The following ELFN1 variants were observed in gnomAD, a reference collection of about 807,000 sequenced individuals.
The protein encoded by ELFN1 is protein ELFN1.
A neutral mutation model predicts 7.6 loss-of-function variants in ELFN1; 6 were observed. That is an observed-to-expected ratio of 0.79 (90% confidence interval 0.43 to 1.56). ELFN1 has a LOEUF of 1.56. ELFN1 is among the 40% of genes most tolerant of loss of function. The pLI, the probability that ELFN1 is intolerant of heterozygous loss-of-function variation, is 0.01. For missense variants in ELFN1, 1,169 were observed against 1,232.2 expected, an observed-to-expected ratio of 0.95 and a Z score of 0.77; for synonymous variants, 657 against 588.1, an observed-to-expected ratio of 1.12 and a Z score of -1.70.
At position 1,747,053 on chromosome 7, in the gene ELFN1, G is replaced by A; in HGVS notation, c.2457G>A (p.Trp819Ter). ...ATCTGCACGACATCCTGGACTACTG[G>A]AAGGGCGTGTCGGCCCAGCACAAGT... ...DEDLHDILDY[W>*]KGVSAQHKS Residue 819 changes from tryptophan (W) to a stop codon, truncating the protein, a stop_gained, in exon 4 of 4, where the codon TGG becomes TGA. Coordinates refer to ENST00000424383, the MANE Select transcript of ELFN1 (RefSeq NM_001128636.4). LOFTEE classifies it high-confidence loss of function. The A allele has an allele frequency of 6.5e-7, 1 of 1,529,960 alleles. No individual in the cohort carries two copies. The highest frequency in any genetic ancestry group is 8.8e-7 in the Non-Finnish European group (1 of 1,133,390). The allele number at this position is 1,529,960 out of a possible 1,614,324, so 94.8% of individuals were successfully genotyped here. A position where few individuals can be genotyped will look rare whatever the true frequency, so the allele number is the denominator to read the frequency against.
At position 1,746,791 on chromosome 7, in the gene ELFN1, G is replaced by A. The variant is rs764476363; in HGVS notation, c.2195G>A (p.Arg732His). The A allele has an allele frequency of 5.5e-5, 84 of 1,527,662 alleles. No homozygotes were observed. The highest frequency in any genetic ancestry group is 2.8e-4 in the East Asian group (11 of 39,758). The allele number at this position is 1,527,662 out of a possible 1,614,324, so 94.6% of individuals were successfully genotyped here. ...PPPPPHEGLG[R>H]KASILEPLTR... ...CCGCCTCCGCACGAGGGCCTGGGGC[G>A]CAAGGCGTCCATCCTGGAGCCACTC... Residue 732 changes from arginine (R) to histidine (H), a missense_variant, in exon 4 of 4, where the codon CGC becomes CAC. This residue lies in a region of ELFN1 where 914 missense variants were observed against 872.6 expected (regional missense o/e 1.05). Coordinates refer to ENST00000424383, the MANE Select transcript of ELFN1 (RefSeq NM_001128636.4).
intron 3 of ELFN1, among the ~76,000 whole-genome samples, chr7:1,742,585 G>A (rs112569165): frequency 3.9e-5 from 6 of 152,304 alleles, no homozygotes; most frequent in African/African-American, 9.6e-5. Flanking sequence ...ACCGGACCAC[G>A]TGGGGACCCC....
At chr7:1,666,611 A>G (rs1350902833), upstream of ELFN1, among the ~76,000 whole-genome samples, 2 of 151,580 alleles carry the variant, frequency 1.3e-5, no homozygotes, top group African/African-American at 2.4e-5. This position sits in a 1 kb window ranked among gnomAD's most constrained non-coding sequence, Gnocchi z 7.9. Flanking sequence ...GAGCGCGCTG[A>G]GAGCAAAAAG....
intron 3 of ELFN1, among the ~76,000 whole-genome samples, chr7:1,720,779 G>A (rs1324614065): frequency 6.8e-5 from 9 of 132,390 alleles, no homozygotes; most frequent in Non-Finnish European, 1.1e-4. Context: ...CACAGTGTAA[G>A]CTCTTACTTT....
chr7:1,666,884 T>A (rs1460169342), upstream of ELFN1, among the ~76,000 whole-genome samples: 1 of 151,524 alleles, frequency 6.6e-6, no homozygotes, highest in Admixed American at 6.6e-5. This position sits in a 1 kb window ranked among gnomAD's most constrained non-coding sequence, Gnocchi z 7.9. Context: ...GTGGCTGGGC[T>A]CTGCCGACCG....
chr7:1,719,299 CCCCG>C (rs1298056831), intron 3 of ELFN1, among the ~76,000 whole-genome samples: 23 of 94,818 alleles, frequency 2.4e-4, no homozygotes, highest in African/African-American at 8.3e-4. Context: ...ACCAACAGGG[CCCCG>C]CCCACCAACA....
chr7:1,691,603 G>A (rs996382623), intron 2 of ELFN1, among the ~76,000 whole-genome samples: 4 of 152,168 alleles, frequency 2.6e-5, no homozygotes, highest in Admixed American at 2.6e-4. Context: ...ATCCAGGCCC[G>A]ACCCACTGCT....
At chr7:1,712,163 C>T (rs1251992759) in intron 3 of ELFN1, among the ~76,000 whole-genome samples, 1 of 152,198 alleles carries the variant, frequency 6.6e-6, no homozygotes. Context: ...CCCTGTCCCC[C>T]AAGTTTGTCT....
chr7:1,667,975 G>GT (rs1427515286), upstream of ELFN1, among the ~76,000 whole-genome samples: 40 of 140,062 alleles, frequency 2.9e-4, no homozygotes, highest in East Asian at 1.6e-3. This position sits in a 1 kb window ranked among gnomAD's most constrained non-coding sequence, Gnocchi z 8.2. Flanking sequence ...TGGGGGGGGG[G>GT]GGCGGCCGCG....
Position 1,739,655 on chromosome 7 carries a change from CAG to C in ELFN1, c.-293-4644_-293-4643del, listed in dbSNP as rs1214745745. The C allele has an allele frequency of 1.3e-5, 2 of 154,702 alleles. No homozygotes were observed. Among genetic ancestry groups the C allele is most frequent in the East Asian group, 1.9e-4 (1 of 5,230 alleles). 9.6% of individuals were successfully genotyped at this position (154,702 alleles called of 1,614,324 possible). A position where few individuals can be genotyped will look rare whatever the true frequency, so the allele number is the denominator to read the frequency against. ...CGTGGGGAAGGTGAAGGAGGCTGGACAGAGAGGGCGGTGGCTGGGATGCTGGA... is the reference window on the plus strand; with the variant it reads ...CGTGGGGAAGGTGAAGGAGGCTGGACAGAGGGCGGTGGCTGGGATGCTGGA... On this transcript the variant is annotated intron_variant, in intron 3 of 3. Coordinates refer to ENST00000424383, the MANE Select transcript of ELFN1 (RefSeq NM_001128636.4). This position sits in a 1 kb window ranked among gnomAD's most constrained non-coding sequence, Gnocchi z 4.6.
rs1449334115 is a variant in ELFN1, at chr7:1,745,863, C to T, written c.1267C>T (p.Leu423=). 2 of 1,592,136 alleles carry T rather than the reference C, an allele frequency of 1.3e-6. No homozygotes were observed. The highest frequency in any genetic ancestry group is 8.5e-7 in the Non-Finnish European group (1 of 1,170,756). ...STATHYIMTI[L]GCLFGMVLVL... ...GGCCACCCACTACATCATGACCATC[C>T]TGGGCTGCCTCTTCGGCATGGTGCT... Residue 423 remains leucine (L), a synonymous_variant, in exon 4 of 4, where the codon CTG becomes TTG. Coordinates refer to ENST00000424383, the MANE Select transcript of ELFN1 (RefSeq NM_001128636.4).
At chr7:1,667,823 C>T (rs1438069208), upstream of ELFN1, among the ~76,000 whole-genome samples, 4 of 152,156 alleles carry the variant, frequency 2.6e-5, 1 homozygote, top group East Asian at 7.7e-4. This position sits in a 1 kb window ranked among gnomAD's most constrained non-coding sequence, Gnocchi z 8.2. Context: ...CGGCGTTGGG[C>T]CCCGGACAGA....
intron 2 of ELFN1, among the ~76,000 whole-genome samples, chr7:1,704,616 G>A (rs771387625): frequency 2.0e-5 from 3 of 152,122 alleles, no homozygotes; most frequent in Non-Finnish European, 4.4e-5. Context: ...TCCTGAGTGT[G>A]ACCTGGGGTA....
At chr7:1,709,962 C>G (rs1048783604) in intron 3 of ELFN1, among the ~76,000 whole-genome samples, 1 of 152,214 alleles carries the variant, frequency 6.6e-6, no homozygotes, top group Admixed American at 6.5e-5. Flanking sequence ...TGTACTTCAC[C>G]CAGTTCTGGG....
chr7:1,683,753 G>A (rs62435470), intron 1 of ELFN1, among the ~76,000 whole-genome samples: 2,515 of 152,302 alleles, frequency 0.017, 25 homozygotes, highest in Middle Eastern at 0.045. Flanking sequence ...ATTTATAACT[G>A]TTACATATTC....
intron 3 of ELFN1, among the ~76,000 whole-genome samples, chr7:1,713,669 G>T (rs1263839351): frequency 6.6e-6 from 1 of 152,116 alleles, no homozygotes; most frequent in Non-Finnish European, 1.5e-5. Context: ...AAGGCAGCAG[G>T]GCCTGGGAGC....
intron 3 of ELFN1, among the ~76,000 whole-genome samples, chr7:1,736,833 G>A (rs1389879851): frequency 6.6e-5 from 10 of 152,132 alleles, no homozygotes; most frequent in African/African-American, 2.4e-4. Flanking sequence ...AGCTCTCCCA[G>A]CAACTCCAGT....
At chr7:1,725,239 C>T (rs1314936190) in intron 3 of ELFN1, among the ~76,000 whole-genome samples, 1 of 152,340 alleles carries the variant, frequency 6.6e-6, no homozygotes, top group Non-Finnish European at 1.5e-5. Flanking sequence ...GAAGAAGGAA[C>T]CCAGGGAATA....
intron 1 of ELFN1, among the ~76,000 whole-genome samples, chr7:1,672,264 C>T (rs965458767): frequency 2.6e-5 from 4 of 152,132 alleles, no homozygotes; most frequent in African/African-American, 9.7e-5. Context: ...GCGTCCCTTC[C>T]CCACCATGCC....
Sources: allele counts gnomAD v4.1 joint callset (sites outside exome capture counted in the v4.1 genomes callset), GRCh38; gene constraint gnomAD v4.1.1; regional missense constraint gnomAD v4.1.1; non-coding constraint Gnocchi (gnomAD v3.1); transcripts MANE v1.5; gene names NCBI Gene and HGNC (gene_info 2026-07-23, HGNC 2026-07-21).